Variants in NOTCH3 observed in about 807,000 individuals in gnomAD.
NOTCH3 encodes the protein neurogenic locus notch homolog protein 3.
A neutral mutation model predicts 213.3 loss-of-function variants in NOTCH3; 86 were observed. That is an observed-to-expected ratio of 0.40 (90% confidence interval 0.34 to 0.48). NOTCH3 has a LOEUF of 0.48. NOTCH3 is among the 20% of genes least tolerant of loss of function. NOTCH3 has a pLI of 0.57. For synonymous variants in NOTCH3, 1,354 were observed against 1,355.9 expected (o/e 1.00, Z 0.03); for missense variants, 2,783 against 3,272.6 (o/e 0.85, Z 3.65).
In NOTCH3 at chr19:15,180,836, G is replaced by A. The variant is rs2145422224; in HGVS notation, c.2995-8C>T. On this transcript the variant is annotated splice_polypyrimidine_tract_variant and splice_region_variant and intron_variant, in intron 18 of 32. Coordinates refer to ENST00000263388, the MANE Select transcript of NOTCH3 (RefSeq NM_000435.3). ...GCACCAATCCACCAGCGTCTGGAGG[G>A]GAAGCACTCAGAGTCAGTACTGTGG... is the stretch of plus-strand genomic sequence containing the variant. 1 of 1,612,482 alleles carries A rather than the reference G, an allele frequency of 6.2e-7. No individual in the cohort carries two copies. Among genetic ancestry groups the A allele is most frequent in the Non-Finnish European group, 8.5e-7 (1 of 1,179,554 alleles).
chr19:15,198,356 A>G (rs925526698), intron 1 of NOTCH3, among the ~76,000 whole-genome samples: 2 of 152,182 alleles, frequency 1.3e-5, no homozygotes, highest in Non-Finnish European at 2.9e-5. Context: ...CTCTTGTCAG[A>G]GAGAGGGTGA....
chr19:15,185,373 G>C lies in NOTCH3; in HGVS notation c.2180C>G (p.Pro727Arg), dbSNP rs2046872807. 1.9e-6 allele frequency: 3 copies of C among 1,612,378 alleles called. No individual in the cohort carries two copies. The South Asian group carries it at 3.3e-5, about 18-fold the overall frequency. ...TCGGGCCAGGCTCTGGCTGCAGCGG[G>C]GGCCACTCCAGCCAGGCTCACACAC... ...RCVCEPGWSG[P>R]RCSQSLARDA... is the part of the protein sequence containing the mutation. The change falls in exon 14 of 33, where the codon CCC becomes CGC. Residue 727 changes from proline (P) to arginine (R), a missense_variant. Pro to Arg is a moderately radical substitution (Grantham distance 103). Transcript: ENST00000263388. The surrounding 1 kb of genome is among the most constrained non-coding windows in gnomAD (Gnocchi z 4.2).
chr19:15,160,630 A>G lies in NOTCH3; in HGVS notation c.*32T>C. ...AAGGAGGCAGGACGGGGGTCTCTTTAGGCCCCCAAGATCTAAGAACTGACG... is the reference window on the plus strand; with the variant it reads ...AAGGAGGCAGGACGGGGGTCTCTTTGGGCCCCCAAGATCTAAGAACTGACG... On this transcript the variant is annotated 3_prime_UTR_variant, in exon 33 of 33. Transcript: ENST00000263388. 1 of 1,536,720 alleles carries G rather than the reference A, an allele frequency of 6.5e-7. No individual in the cohort carries two copies. The highest frequency in any genetic ancestry group is 1.1e-5 in the South Asian group (1 of 89,560).
In NOTCH3 at chr19:15,189,362, G is replaced by A. The variant is rs760867181; in HGVS notation, c.1103C>T (p.Thr368Ile). The A allele has an allele frequency of 1.2e-5, 19 of 1,613,882 alleles. No homozygotes were observed. Among genetic ancestry groups the A allele is most frequent in the Non-Finnish European group, 1.6e-5 (19 of 1,180,030 alleles). Residue 368 changes from threonine (T) to isoleucine (I), a missense_variant, in exon 7 of 33, where the codon ACA (threonine) becomes ATA (isoleucine). By Grantham distance (89) the Thr-to-Ile change is moderately conservative. Transcript: ENST00000263388. ...NPCHEDAICD[T>I]NPVNGRAICT... ...AATGGCCCGGCCGTTCACCGGATTTGTGTCACAGATAGCATCCTCGTGGCA... is the reference window on the plus strand; with the variant it reads ...AATGGCCCGGCCGTTCACCGGATTTATGTCACAGATAGCATCCTCGTGGCA...
At chr19:15,173,641 A>C (rs2046758525) in intron 25 of NOTCH3, among the ~76,000 whole-genome samples, 1 of 151,242 alleles carries the variant, frequency 6.6e-6, no homozygotes, top group South Asian at 2.1e-4. Flanking sequence ...GAGGCAGAGA[A>C]TTGCTTGAAC....
At chr19:15,178,756 G>T in intron 23 of NOTCH3, 67 bp downstream of exon 23, 1 of 1,124,446 alleles carries the variant, frequency 8.9e-7, no homozygotes, top group Non-Finnish European at 1.3e-6. Context: ...CCTCCTAGAC[G>T]CCACGCCCCT....
In NOTCH3 at chr19:15,191,726, C is replaced by G. The variant is rs1163356087; in HGVS notation, c.802+19G>C. ...CACCCGAGGCCTGCCTCCCCGCTCC[C>G]TCTGGCCGCAGTGCCCACCTGTCCA... is the stretch of plus-strand genomic sequence containing the variant. On this transcript the variant is annotated intron_variant, in intron 5 of 32. Transcript: ENST00000263388. 6.2e-7 allele frequency: 1 copy of G among 1,613,652 alleles called. No homozygotes were observed. Among genetic ancestry groups the G allele is most frequent in the Non-Finnish European group, 8.5e-7 (1 of 1,180,046 alleles).
At chr19:15,186,378 TATGTGTGTG>T (rs1477617841) in intron 12 of NOTCH3, among the ~76,000 whole-genome samples, 33 of 60,362 alleles carry the variant, frequency 5.5e-4, no homozygotes, top group East Asian at 1.7e-3. Context: ...TTTGTTTTTG[TATGTGTGTG>T]TGTGTGTGTG....
At position 15,189,149 on chromosome 19, in the gene NOTCH3, G is replaced by A. The variant is rs2145436488; in HGVS notation, c.1218C>T (p.Gly406=). The change falls in exon 8 of 33, where the codon GGC becomes GGT. Residue 406 remains glycine (G), a synonymous_variant. Coordinates refer to ENST00000263388, the MANE Select transcript of NOTCH3 (RefSeq NM_000435.3). Reference sequence around the variant, plus strand: ...AGGAGCCCTGCGTGTTCACGCACCTGCCCAAGTGCTCGCAGGGGTTGGCGC... The same window carrying A: ...AGGAGCCCTGCGTGTTCACGCACCTACCCAAGTGCTCGCAGGGGTTGGCGC... ...SIGANPCEHL[G]RCVNTQGSFL... 6.2e-7 allele frequency: 1 copy of A among 1,613,370 alleles called. No individual in the cohort carries two copies.
In NOTCH3 at chr19:15,184,335, A is replaced by G. The variant is rs1318059902; in HGVS notation, c.2526T>C (p.Thr842=). Residue 842 remains threonine (T), a synonymous_variant, in exon 16 of 33, where the codon ACT becomes ACC. Transcript: ENST00000263388. ...TGATGTCCTGATCGCAGGAAGGGCC[A>G]GTGTACCCTCCATGGCAGGTGCAGC... ...SFSCTCHGGY[T]GPSCDQDIND... 1 of 1,613,900 alleles carries G rather than the reference A, an allele frequency of 6.2e-7. No individual in the cohort carries two copies. Among genetic ancestry groups the G allele is most frequent in the African/African-American group, 1.3e-5 (1 of 74,908 alleles).
intron 11 of NOTCH3, 23 bp from the exon 12 acceptor site, chr19:15,187,011 G>A (rs1326674095): frequency 5.0e-6 from 8 of 1,610,148 alleles, no homozygotes; most frequent in Non-Finnish European, 6.8e-6. Context: ...AACATGGCAT[G>A]GAGTGGCCAC....
chr19:15,162,671 C>T (rs1231382584), intron 31 of NOTCH3, 109 bp from the exon 32 acceptor site: 3 of 784,840 alleles, frequency 3.8e-6, no homozygotes, highest in African/African-American at 1.7e-5. Flanking sequence ...GGAGGCAGGC[C>T]TGCCGTGAAT....
In NOTCH3 at chr19:15,165,047, G is replaced by T. The variant is rs1350629993; in HGVS notation, c.5815+321C>A. ...CTGCCTCAGCCTCCCAAAGTGTTGGGATCACAGGCATGAGCCACCACACAT... is the reference window on the plus strand; with the variant it reads ...CTGCCTCAGCCTCCCAAAGTGTTGGTATCACAGGCATGAGCCACCACACAT... On this transcript the variant is annotated intron_variant, in intron 31 of 32. Coordinates refer to ENST00000263388, the MANE Select transcript of NOTCH3 (RefSeq NM_000435.3). This position sits in a 1 kb window ranked among gnomAD's most constrained non-coding sequence, Gnocchi z 4.7. Among the ~76,000 whole-genome samples, 1 of 152,210 alleles carries T rather than the reference G, an allele frequency of 6.6e-6. No individual in the cohort carries two copies. Among genetic ancestry groups the T allele is most frequent in the Non-Finnish European group, 1.5e-5 (1 of 68,032 alleles).
In NOTCH3 at chr19:15,165,571, G is replaced by A. The variant is rs1599364675; in HGVS notation, c.5668-56C>T. ...GTCATGGCAGGAACAGAGGAATCAG[G>A]AGCACCCCTAAGTCCCATGAAGTCC... On this transcript the variant is annotated intron_variant, in intron 30 of 32. Coordinates refer to ENST00000263388, the MANE Select transcript of NOTCH3 (RefSeq NM_000435.3). This position sits in a 1 kb window ranked among gnomAD's most constrained non-coding sequence, Gnocchi z 4.7. 2.5e-6 allele frequency: 4 copies of A among 1,591,566 alleles called. No homozygotes were observed. The East Asian group carries it at 9.0e-5, about 36-fold the overall frequency.
At chr19:15,197,444 C>G in intron 2 of NOTCH3, 56 bp downstream of exon 2, 1 of 662,104 alleles carries the variant, frequency 1.5e-6, no homozygotes. Context: ...ACAAATCGCC[C>G]CTCCCCCCCG....
Position 15,180,218 on chromosome 19 carries a change from A to G in NOTCH3, c.3181T>C (p.Cys1061Arg), listed in dbSNP as rs1320508682. The G allele has an allele frequency of 1.2e-6, 2 of 1,613,570 alleles. No individual in the cohort carries two copies. Among genetic ancestry groups the G allele is most frequent in the South Asian group, 1.1e-5 (1 of 91,054 alleles). The stretch of plus-strand genomic sequence containing the variant: ...TAGTGGGAGCTGTCTTCATCCACAC[A>G]CTGCCCACCCGCCTGACACAGCTGC... Reference protein sequence around the residue: ...LEQLCQAGGQCVDEDSSHYCV... With the variant: ...LEQLCQAGGQRVDEDSSHYCV... The change falls in exon 20 of 33, where the codon TGT becomes CGT. Residue 1061 changes from cysteine (C) to arginine (R), a missense_variant. By Grantham distance (180) the Cys-to-Arg change is radical. Transcript: ENST00000263388.
At position 15,174,610 on chromosome 19, in the gene NOTCH3, C is replaced by G. The variant is rs372762019; in HGVS notation, c.4404-210G>C. 4.7e-4 allele frequency among the ~76,000 whole-genome samples: 71 copies of G among 150,654 alleles called. 1 individual carries two copies. In the South Asian group the frequency reaches 5.3e-3, roughly 11 times the overall value. On this transcript the variant is annotated intron_variant, in intron 24 of 32. Transcript: ENST00000263388. ...TTTTTGAGACGGAGTCTTGCTCTGT[C>G]GCCCAGGCCGGAATGCAGTAGCATG...
rs752451374 is a variant in NOTCH3 at position 15,191,613 on chromosome 19, T to G, written c.847A>C (p.Asn283His). 6.2e-7 allele frequency: 1 copy of G among 1,613,262 alleles called. No homozygotes were observed. Among genetic ancestry groups the G allele is most frequent in the Non-Finnish European group, 8.5e-7 (1 of 1,179,994 alleles). ...CAGGTACCCCCATTGTGGCAGGCGT[T>G]GGGCTGCAGCTGACACTCATCCACG... ...EDVDECQLQP[N>H]ACHNGGTCFN... Residue 283 changes from asparagine (N) to histidine (H), a missense_variant, in exon 6 of 33, where the codon AAC (asparagine) becomes CAC (histidine). Physicochemically the swap from Asn to His is moderately conservative, Grantham distance 68. Around this residue, in one of 6 missense-constraint regions of NOTCH3, gnomAD observed 708 missense variants for 906.6 expected, o/e 0.78. Coordinates refer to ENST00000263388, the MANE Select transcript of NOTCH3 (RefSeq NM_000435.3).
At chr19:15,173,951 G>C (rs921816314) in intron 25 of NOTCH3, 117 bp downstream of exon 25, 1 of 858,208 alleles carries the variant, frequency 1.2e-6, no homozygotes. Flanking sequence ...GCCAGGAGGC[G>C]GTGCTCCTGA....
Sources: gnomAD v4.1 joint callset for allele counts (sites outside exome capture counted in the v4.1 genomes callset) on GRCh38, gnomAD v4.1.1 for gene constraint, gnomAD v4.1.1 regional missense constraint, Gnocchi (gnomAD v3.1) non-coding constraint, MANE v1.5 for transcripts, NCBI Gene and HGNC (gene_info 2026-07-23, HGNC 2026-07-21) for gene names.